UBXN2B: variants seen among roughly 807,000 people sequenced by gnomAD.
UBXN2B encodes the protein UBX domain-containing protein 2B.
Under a neutral mutation model 37.5 loss-of-function variants are expected in UBXN2B, and 19 were observed. That is an observed-to-expected ratio of 0.51 (90% CI 0.35 to 0.74). The LOEUF is 0.74. Ranked by LOEUF, UBXN2B falls within the 30% of genes least tolerant of loss-of-function variation. UBXN2B has a pLI of 0.01. For missense variants in UBXN2B, 370 were observed against 393.2 expected, an observed-to-expected ratio of 0.94 and a Z score of 0.50; for synonymous variants, 145 against 143.8, an observed-to-expected ratio of 1.01 and a Z score of -0.06.
At chr8:58,426,713 A>T in intron 2 of UBXN2B, 1 of 686,420 alleles carries the variant, frequency 1.5e-6, no homozygotes, top group East Asian at 2.7e-5. Flanking sequence ...GCTCCGTGAC[A>T]GACCCGTTCC....
chr8:58,433,290 T>C (rs1808329268), intron 4 of UBXN2B, 47 bp downstream of exon 4: 1 of 1,448,208 alleles, frequency 6.9e-7, no homozygotes, highest in Non-Finnish European at 9.5e-7. Context: ...TTGCTTCTAG[T>C]TACTAAAACT....
intron 4 of UBXN2B, 81 bp downstream of exon 4, chr8:58,433,324 A>T: frequency 8.9e-7 from 1 of 1,129,864 alleles, no homozygotes; most frequent in Non-Finnish European, 1.3e-6. Context: ...TTAAGAATTG[A>T]TAATACAAAT....
chr8:58,416,777 A>G lies in UBXN2B; in HGVS notation c.85-73A>G, dbSNP rs1807794739. On this transcript the variant is annotated intron_variant, in intron 1 of 7. Transcript: ENST00000399598. ...CCACTCAATTTTAAGTTAGTGTTCT[A>G]TACATAACTTCTAGTTGTATGGAAG... 1.4e-5 allele frequency: 19 copies of G among 1,338,946 alleles called. 1 individual carries two copies. The South Asian group carries it at 2.5e-4, about 17-fold the overall frequency. The allele number at this position is 1,338,946 out of a possible 1,614,324, so 82.9% of individuals were successfully genotyped here.
chr8:58,416,977 T>C, intron 2 of UBXN2B, 24 bp downstream of exon 2: 1 of 1,534,714 alleles, frequency 6.5e-7, no homozygotes, highest in African/African-American at 1.4e-5. Context: ...TGTTTTGTTG[T>C]AAAAAGAAAT....
At chr8:58,431,907 T>A (rs1408067062) in intron 3 of UBXN2B, among the ~76,000 whole-genome samples, 8 of 152,360 alleles carry the variant, frequency 5.3e-5, no homozygotes, top group Non-Finnish European at 1.2e-4. Flanking sequence ...GAAATATCTC[T>A]TCATTACTTT....
chr8:58,413,004 C>G lies in UBXN2B; in HGVS notation c.84+1535C>G, dbSNP rs188288306. Reference sequence around the variant, plus strand: ...TCCTTTCCCTAATTTAAATCCATTTCTTCTTTTTATGTGAAAAGTGAGAAC... The same window carrying G: ...TCCTTTCCCTAATTTAAATCCATTTGTTCTTTTTATGTGAAAAGTGAGAAC... On this transcript the variant is annotated intron_variant, in intron 1 of 7. Coordinates refer to ENST00000399598, the MANE Select transcript of UBXN2B (RefSeq NM_001077619.2). 1.3e-4 allele frequency among the ~76,000 whole-genome samples: 20 copies of G among 152,338 alleles called. No homozygotes were observed. In the East Asian group the frequency reaches 3.7e-3, roughly 28 times the overall value.
intron 2 of UBXN2B, among the ~76,000 whole-genome samples, chr8:58,423,435 G>T (rs1013299663): frequency 6.6e-4 from 96 of 146,118 alleles, no homozygotes; most frequent in South Asian, 6.3e-3. Context: ...TTTTTTTTTT[G>T]TTGTTGTTTT....
chr8:58,439,127 C>G (rs1385343093), intron 5 of UBXN2B, among the ~76,000 whole-genome samples: 1 of 152,124 alleles, frequency 6.6e-6, no homozygotes, highest in Admixed American at 6.5e-5. Context: ...GATTCTGGTG[C>G]CTTGTTGCTT....
intron 2 of UBXN2B, among the ~76,000 whole-genome samples, chr8:58,424,336 T>C (rs1354103053): frequency 2.0e-5 from 3 of 152,012 alleles, no homozygotes; most frequent in African/African-American, 4.8e-5. Context: ...CTATAAAATA[T>C]AATGTCTACA....
chr8:58,445,924 T>G lies in UBXN2B; in HGVS notation c.689T>G (p.Val230Gly). ...TTTTTTAGCCTTACACCTGAAATAG[T>G]CAGTACACCTTCCTCTCCAGAAGAG... ...QKLGSLTPEI[V>G]STPSSPEEED... is the part of the protein sequence containing the mutation. The change falls in exon 7 of 8, where the codon GTC (valine) becomes GGC (glycine). Residue 230 changes from valine to glycine, a missense_variant. By Grantham distance (109) the Val-to-Gly change is moderately radical. Around this residue, in one of 3 missense-constraint regions of UBXN2B, gnomAD observed 90 missense variants for 139.4 expected, o/e 0.65. Coordinates refer to ENST00000399598, the MANE Select transcript of UBXN2B (RefSeq NM_001077619.2). 6.2e-7 allele frequency: 1 copy of G among 1,606,620 alleles called. No individual in the cohort carries two copies. Among genetic ancestry groups the G allele is most frequent in the Non-Finnish European group, 8.5e-7 (1 of 1,177,608 alleles).
intron 6 of UBXN2B, among the ~76,000 whole-genome samples, chr8:58,444,280 C>T (rs1808618732): frequency 6.6e-6 from 1 of 152,078 alleles, no homozygotes; most frequent in African/African-American, 2.4e-5. Flanking sequence ...TGCTAATAGC[C>T]AACTTTTAGT....
chr8:58,420,620 C>T (rs1187783594), intron 2 of UBXN2B, among the ~76,000 whole-genome samples: 1 of 152,136 alleles, frequency 6.6e-6, no homozygotes, highest in Non-Finnish European at 1.5e-5. Flanking sequence ...TTCCCATTAG[C>T]TTTTATTAAT....
intron 1 of UBXN2B, among the ~76,000 whole-genome samples, chr8:58,413,547 G>C (rs944353752): frequency 6.6e-6 from 1 of 152,120 alleles, no homozygotes; most frequent in Non-Finnish European, 1.5e-5. Flanking sequence ...CTTGCTCTAA[G>C]AGTCTTTCAG....
At chr8:58,422,790 A>G (rs1052701122) in intron 2 of UBXN2B, among the ~76,000 whole-genome samples, 2 of 152,232 alleles carry the variant, frequency 1.3e-5, no homozygotes, top group African/African-American at 4.8e-5. Context: ...AAACAGGCTC[A>G]GGATTGGCAA....
chr8:58,417,133 A>G (rs1244422194), intron 2 of UBXN2B, among the ~76,000 whole-genome samples, 180 bp downstream of exon 2: 1 of 152,202 alleles, frequency 6.6e-6, no homozygotes, highest in Non-Finnish European at 1.5e-5. Context: ...TTTAGGTACT[A>G]TTAAAACTTT....
At position 58,449,824 on chromosome 8, in the gene UBXN2B, C is replaced by T. The variant is rs1331451437; in HGVS notation, c.*2273C>T. ...CTGAGTATCAACTTATCAGTTTGTTCTTCTTTTATATTCTCTAAAGCTTTC... is the reference window on the plus strand; with the variant it reads ...CTGAGTATCAACTTATCAGTTTGTTTTTCTTTTATATTCTCTAAAGCTTTC... On this transcript the variant is annotated 3_prime_UTR_variant, in exon 8 of 8. Coordinates refer to ENST00000399598, the MANE Select transcript of UBXN2B (RefSeq NM_001077619.2). The T allele has an allele frequency of 1.3e-5, 2 of 152,086 alleles. No homozygotes were observed. The highest frequency in any genetic ancestry group is 2.4e-5 in the African/African-American group (1 of 41,394). The allele number at this position is 152,086 out of a possible 1,614,324, so 9.4% of individuals were successfully genotyped here. A position where few individuals can be genotyped will look rare whatever the true frequency, so the allele number is the denominator to read the frequency against.
intron 2 of UBXN2B, among the ~76,000 whole-genome samples, chr8:58,421,808 C>G (rs1281916891): frequency 6.6e-6 from 1 of 152,214 alleles, no homozygotes; most frequent in Non-Finnish European, 1.5e-5. Flanking sequence ...TATGATAACT[C>G]TGGCCTTGGC....
At chr8:58,437,571 C>G (rs1190293943) in intron 5 of UBXN2B, among the ~76,000 whole-genome samples, 1 of 151,920 alleles carries the variant, frequency 6.6e-6, no homozygotes, top group African/African-American at 2.4e-5. Context: ...GATCCACCTG[C>G]CTTGGCCTCC....
At position 58,447,140 on chromosome 8, in the gene UBXN2B, T is replaced by C. The variant is rs570113052; in HGVS notation, c.834-249T>C. ...AATAACAACATTAGTACACTTACTT[T>C]ATTCATAACTTACCTGAAGATTGTT... On this transcript the variant is annotated intron_variant, in intron 7 of 7. Transcript: ENST00000399598. Among the ~76,000 whole-genome samples, 4 of 152,276 alleles carry C rather than the reference T, an allele frequency of 2.6e-5. 1 individual carries two copies. In the South Asian group the frequency reaches 8.3e-4, roughly 32 times the overall value.
Sources: gnomAD v4.1 joint callset for allele counts (sites outside exome capture counted in the v4.1 genomes callset) on GRCh38, gnomAD v4.1.1 for gene constraint, gnomAD v4.1.1 regional missense constraint, MANE v1.5 for transcripts, NCBI Gene and HGNC (gene_info 2026-07-23, HGNC 2026-07-21) for gene names.